Variants in KCND3 observed in about 807,000 individuals in gnomAD.
The protein encoded by KCND3 is A-type voltage-gated potassium channel KCND3.
KCND3 carries 9 observed loss-of-function variants against 51.1 expected under a neutral mutation model. The ratio of observed to expected loss-of-function variants is 0.18; its 90% CI spans 0.11 to 0.31. The LOEUF (loss-of-function observed/expected upper bound fraction) is 0.31, where lower values mean the gene tolerates loss of function less well. Ranked by LOEUF, KCND3 falls within the 10% of genes least tolerant of loss-of-function variation. KCND3 has a pLI of 1.00. For synonymous variants in KCND3, 349 were observed against 368.0 expected (o/e 0.95, Z 0.59); for missense variants, 526 against 903.8 (o/e 0.58, Z 5.36).
chr1:111,814,191 C>A (rs146058451), intron 2 of KCND3, among the ~76,000 whole-genome samples: 1 of 152,214 alleles, frequency 6.6e-6, no homozygotes, highest in East Asian at 1.9e-4. Context: ...CCGGGCATTG[C>A]GTCAGACACC....
In KCND3 at chr1:111,771,644, TAA is replaced by T. The variant is rs1255829757; in HGVS notation, c.*4431_*4432del. The stretch of plus-strand genomic sequence containing the variant: ...TACATTTTCCTTGTCTACAATCTAA[TAA>T]GTGATATCCTGAACTGTAGGAATCA... On this transcript the variant is annotated 3_prime_UTR_variant, in exon 8 of 8. Coordinates refer to ENST00000302127, the MANE Select transcript of KCND3 (RefSeq NM_001378969.1). 6.6e-6 allele frequency: 1 copy of T among 152,190 alleles called. No homozygotes were observed. Among genetic ancestry groups the T allele is most frequent in the East Asian group, 1.9e-4 (1 of 5,206 alleles). The allele number at this position is 152,190 out of a possible 1,614,324, so 9.4% of individuals were successfully genotyped here.
chr1:111,989,591 GAGCGCCCAGCAGCGCGGGGA>G lies in KCND3; in HGVS notation c.-179_-160del, dbSNP rs906096370. 6.8e-6 allele frequency among the ~76,000 whole-genome samples: 1 copy of G among 148,010 alleles called. No homozygotes were observed. The highest frequency in any genetic ancestry group is 1.5e-5 in the Non-Finnish European group (1 of 66,444). On this transcript the variant is annotated 5_prime_UTR_variant, in exon 1 of 8. Transcript: ENST00000302127. ...CGGGAGCCGGGGCCGCGGAGGCGCC[GAGCGCCCAGCAGCGCGGGGA>G]AGCGCCCAGCAGCCGCCGCTCGCGC...
chr1:111,885,846 T>C (rs545415589), intron 2 of KCND3, among the ~76,000 whole-genome samples: 6 of 152,184 alleles, frequency 3.9e-5, no homozygotes, highest in East Asian at 3.9e-4. Flanking sequence ...CTAATTTTTA[T>C]ATTTTTAGTA....
At chr1:111,894,136 G>A (rs955162057) in intron 2 of KCND3, among the ~76,000 whole-genome samples, 1 of 152,274 alleles carries the variant, frequency 6.6e-6, no homozygotes, top group Non-Finnish European at 1.5e-5. Flanking sequence ...GCCTATGAAC[G>A]AGGGCGCTGT....
In KCND3 at chr1:111,848,676, C is replaced by A. The variant is rs982632905; in HGVS notation, c.1107-61570G>T. 2.0e-5 allele frequency among the ~76,000 whole-genome samples: 3 copies of A among 152,284 alleles called. No homozygotes were observed. In the East Asian group the frequency reaches 5.8e-4, roughly 29 times the overall value. ...GCGTGGCCCCTGGGGCTGGCCCACC[C>A]AGCAGAAGTCCTGACTTTGCCTCCT... On this transcript the variant is annotated intron_variant, in intron 2 of 7. Transcript: ENST00000302127.
In KCND3 at chr1:111,980,889, T is replaced by C. The variant is rs554342748; in HGVS notation, c.1106+732A>G. On this transcript the variant is annotated intron_variant, in intron 2 of 7. Coordinates refer to ENST00000302127, the MANE Select transcript of KCND3 (RefSeq NM_001378969.1). Reference sequence around the variant, plus strand: ...GAGCACCTGTCCCTCCTTCTGATGATATTGCTGCTTCTGTGTCTGACCACA... The same window carrying C: ...GAGCACCTGTCCCTCCTTCTGATGACATTGCTGCTTCTGTGTCTGACCACA... Among the ~76,000 whole-genome samples the C allele has an allele frequency of 2.0e-5, 3 of 152,310 alleles. No individual in the cohort carries two copies. The South Asian group carries it at 6.2e-4, about 32-fold the overall frequency.
At chr1:111,948,931 A>C (rs537064940) in intron 2 of KCND3, among the ~76,000 whole-genome samples, 3 of 152,236 alleles carry the variant, frequency 2.0e-5, no homozygotes, top group African/African-American at 7.2e-5. Flanking sequence ...AAACAATAGA[A>C]GGGCTGGCTA....
intron 2 of KCND3, among the ~76,000 whole-genome samples, chr1:111,840,048 C>T (rs1667252985): frequency 6.6e-6 from 1 of 152,194 alleles, no homozygotes; most frequent in Non-Finnish European, 1.5e-5. Context: ...TGGTGTCCAG[C>T]GAGGGCCTGA....
intron 2 of KCND3, among the ~76,000 whole-genome samples, chr1:111,844,271 C>A (rs1000304563): frequency 2.6e-5 from 4 of 152,226 alleles, no homozygotes; most frequent in African/African-American, 9.6e-5. Context: ...AGGACAGAAG[C>A]TCACTTTTCC....
At chr1:111,847,351 TGA>T (rs1158377779) in intron 2 of KCND3, among the ~76,000 whole-genome samples, 1 of 152,144 alleles carries the variant, frequency 6.6e-6, no homozygotes, top group Non-Finnish European at 1.5e-5. Context: ...TGAGTGTGTG[TGA>T]GTGTGTGTGT....
intron 1 of KCND3, among the ~76,000 whole-genome samples, chr1:111,983,724 C>T (rs564447922): frequency 4.1e-4 from 63 of 152,224 alleles, no homozygotes; most frequent in African/African-American, 1.3e-3. Context: ...AACAACACTC[C>T]TTCCCATACC....
intron 2 of KCND3, among the ~76,000 whole-genome samples, chr1:111,956,411 C>T (rs1673344853): frequency 1.3e-5 from 2 of 152,180 alleles, no homozygotes; most frequent in South Asian, 2.1e-4. Context: ...CAAGAGGTTG[C>T]ATCTTCGGCA....
At chr1:111,818,612 G>A (rs993782643) in intron 2 of KCND3, among the ~76,000 whole-genome samples, 2 of 152,216 alleles carry the variant, frequency 1.3e-5, no homozygotes, top group African/African-American at 4.8e-5. Context: ...GATGGAGTGC[G>A]GGAACTGTTG....
At chr1:111,839,157 C>T (rs1184005071) in intron 2 of KCND3, among the ~76,000 whole-genome samples, 1 of 152,206 alleles carries the variant, frequency 6.6e-6, no homozygotes, top group Non-Finnish European at 1.5e-5. Context: ...AAAGCTGTTT[C>T]CAGTCTTTGA....
chr1:111,828,806 C>T (rs1666698283), intron 2 of KCND3, among the ~76,000 whole-genome samples: 1 of 152,228 alleles, frequency 6.6e-6, no homozygotes, highest in Non-Finnish European at 1.5e-5. Flanking sequence ...CATGAGGCCC[C>T]TGGAACCAAG....
intron 2 of KCND3, among the ~76,000 whole-genome samples, chr1:111,895,048 A>G: frequency 7.0e-6 from 1 of 142,810 alleles, no homozygotes; most frequent in African/African-American, 2.6e-5. Context: ...AGATGTGGAG[A>G]GGGAGAGGAA....
At chr1:111,899,498 T>G (rs1023063510) in intron 2 of KCND3, among the ~76,000 whole-genome samples, 1 of 152,190 alleles carries the variant, frequency 6.6e-6, no homozygotes, top group Non-Finnish European at 1.5e-5. Flanking sequence ...ATGGAAGTGA[T>G]ATGTCTGCAG....
intron 2 of KCND3, among the ~76,000 whole-genome samples, chr1:111,915,689 C>A (rs1216274171): frequency 1.4e-5 from 2 of 144,228 alleles, no homozygotes; most frequent in Non-Finnish European, 3.0e-5. Flanking sequence ...GGAGGCGGAG[C>A]TTGCAGTGAG....
intron 2 of KCND3, among the ~76,000 whole-genome samples, chr1:111,927,233 G>A (rs1009045553): frequency 1.3e-5 from 2 of 152,218 alleles, no homozygotes. Context: ...CCCAGTGGGG[G>A]CTATGGGGTG....
Sources: gnomAD v4.1 joint callset for allele counts (sites outside exome capture counted in the v4.1 genomes callset) on GRCh38, gnomAD v4.1.1 for gene constraint, MANE v1.5 for transcripts, NCBI Gene and HGNC (gene_info 2026-07-23, HGNC 2026-07-21) for gene names.